The following RORA variants were observed in gnomAD, a reference collection of about 807,000 sequenced individuals.
The protein encoded by RORA is nuclear receptor ROR-alpha.
Under a neutral mutation model 69.5 loss-of-function variants are expected in RORA, and 7 were observed. That is an observed-to-expected ratio of 0.10 (90% CI 0.06 to 0.19). RORA has a LOEUF of 0.19. RORA is among the 10% of genes least tolerant of loss of function. RORA has a pLI of 1.00. For missense variants in RORA, 457 were observed against 663.0 expected (o/e 0.69, Z 3.41); for synonymous variants, 261 against 240.8 (o/e 1.08, Z -0.78).
intron 2 of RORA, among the ~76,000 whole-genome samples, chr15:60,642,256 G>A (rs1378995232): frequency 6.6e-6 from 1 of 152,096 alleles, no homozygotes; most frequent in African/African-American, 2.4e-5. Flanking sequence ...GAAGAAAATG[G>A]GAATGCCTAA....
At chr15:60,571,042 C>G (rs1348963057) in intron 2 of RORA, among the ~76,000 whole-genome samples, 1 of 151,746 alleles carries the variant, frequency 6.6e-6, no homozygotes, top group African/African-American at 2.4e-5. Flanking sequence ...TTTTTTTTCT[C>G]TCCTCATTTT....
intron 1 of RORA, among the ~76,000 whole-genome samples, chr15:60,737,468 C>T (rs568072037): frequency 6.6e-6 from 1 of 152,304 alleles, no homozygotes; most frequent in African/African-American, 2.4e-5. Flanking sequence ...TGGGCAGTAC[C>T]TGGGAACTAG....
chr15:60,758,040 C>A (rs1334755692), intron 1 of RORA, among the ~76,000 whole-genome samples: 1 of 152,188 alleles, frequency 6.6e-6, no homozygotes, highest in African/African-American at 2.4e-5. Flanking sequence ...ATCAATGGGA[C>A]CGGCACCTCT....
chr15:60,592,781 CCGCCTTCCCCT>C, intron 2 of RORA: 1 of 754,024 alleles, frequency 1.3e-6, no homozygotes, highest in Non-Finnish European at 1.9e-6. Context: ...GCCCGGGCGC[CCGCCTTCCCCT>C]CGCCTTCGGG....
At chr15:60,937,055 A>G (rs911907866) in intron 1 of RORA, among the ~76,000 whole-genome samples, 1 of 152,242 alleles carries the variant, frequency 6.6e-6, no homozygotes, top group Non-Finnish European at 1.5e-5. Flanking sequence ...GGAGTGCTCT[A>G]TGTTGGATTA....
chr15:60,842,988 C>A (rs756131328), intron 1 of RORA, among the ~76,000 whole-genome samples: 1 of 152,138 alleles, frequency 6.6e-6, no homozygotes, highest in Non-Finnish European at 1.5e-5. Flanking sequence ...CCTGCAGCAG[C>A]CTCTTTCTCT....
intron 1 of RORA, among the ~76,000 whole-genome samples, chr15:60,903,933 C>T (rs950285264): frequency 3.9e-5 from 6 of 152,090 alleles, no homozygotes; most frequent in African/African-American, 1.2e-4. Flanking sequence ...TCATATACGA[C>T]GTATAAAGTA....
At chr15:60,696,578 C>A (rs539278380) in intron 1 of RORA, among the ~76,000 whole-genome samples, 1 of 152,140 alleles carries the variant, frequency 6.6e-6, no homozygotes, top group African/African-American at 2.4e-5. Context: ...TCACCACATA[C>A]GCCTTTGACA....
chr15:60,718,381 A>G (rs2140819843), intron 1 of RORA, among the ~76,000 whole-genome samples: 1 of 152,328 alleles, frequency 6.6e-6, no homozygotes, highest in Admixed American at 6.5e-5. Context: ...AGGTGACAGC[A>G]GAGAGTTAAA....
intron 1 of RORA, among the ~76,000 whole-genome samples, chr15:60,808,808 C>G (rs1042325356): frequency 6.6e-6 from 1 of 151,498 alleles, no homozygotes; most frequent in Admixed American, 6.6e-5. Context: ...TGGAATACTA[C>G]TCAGCCACAA....
chr15:60,857,030 C>T (rs1438085887), intron 1 of RORA, among the ~76,000 whole-genome samples: 1 of 152,200 alleles, frequency 6.6e-6, no homozygotes, highest in African/African-American at 2.4e-5. Flanking sequence ...GCCATCGTTG[C>T]TTCATTCATT....
In RORA at chr15:60,824,907, T is replaced by A. The variant is rs141498397; in HGVS notation, c.167-146221A>T. The stretch of plus-strand genomic sequence containing the variant: ...GGCCAAGGACAAAATAACCTAATGG[T>A]TGTGGAAAAGGTCACAGCAGTGACT... On this transcript the variant is annotated intron_variant, in intron 1 of 10. Coordinates refer to ENST00000335670, the MANE Select transcript of RORA (RefSeq NM_134261.3). 9.2e-5 allele frequency among the ~76,000 whole-genome samples: 14 copies of A among 152,138 alleles called. No homozygotes were observed. The East Asian group carries it at 2.5e-3, about 27-fold the overall frequency.
intron 2 of RORA, among the ~76,000 whole-genome samples, chr15:60,631,034 C>T (rs2069725888): frequency 6.6e-6 from 1 of 151,888 alleles, no homozygotes; most frequent in Non-Finnish European, 1.5e-5. Flanking sequence ...GGATTACAGG[C>T]ACCCACCACC....
In RORA at chr15:60,577,501, G is replaced by A. The variant is rs538426072; in HGVS notation, c.197-45650C>T. 3.2e-3 allele frequency among the ~76,000 whole-genome samples: 494 copies of A among 152,114 alleles called. 2 individuals are homozygous for A. The highest frequency in any genetic ancestry group is 5.2e-3 in the Non-Finnish European group (352 of 67,984). ...TCTACTAAAAATACAAAAATTAGCC[G>A]GGTGTGGTGGTGCGTGTCTGTAATG... On this transcript the variant is annotated intron_variant, in intron 2 of 10. Transcript: ENST00000335670.
chr15:60,673,519 G>A (rs1402933856), intron 2 of RORA, among the ~76,000 whole-genome samples: 1 of 152,156 alleles, frequency 6.6e-6, no homozygotes, highest in Non-Finnish European at 1.5e-5. Flanking sequence ...TGAGCAGCGG[G>A]GATAGGTTTT....
intron 1 of RORA, among the ~76,000 whole-genome samples, chr15:60,693,671 C>A (rs1200586964): frequency 6.6e-6 from 1 of 152,116 alleles, no homozygotes; most frequent in Admixed American, 6.5e-5. Flanking sequence ...AGAGCCAAAT[C>A]ATGAATGAAC....
chr15:61,124,304 G>A (rs1295833168), intron 1 of RORA, among the ~76,000 whole-genome samples: 1 of 152,184 alleles, frequency 6.6e-6, no homozygotes, highest in African/African-American at 2.4e-5. Context: ...ATGCTGGTAG[G>A]TTTTGTTTCC....
chr15:60,670,319 C>T (rs527248894), intron 2 of RORA, among the ~76,000 whole-genome samples: 122 of 151,570 alleles, frequency 8.0e-4, no homozygotes, highest in African/African-American at 2.8e-3. Flanking sequence ...AAGCGATTAT[C>T]CTGCCTCAGC....
chr15:61,129,025 T>C (rs1415785706), intron 1 of RORA, among the ~76,000 whole-genome samples: 1 of 152,192 alleles, frequency 6.6e-6, no homozygotes, highest in East Asian at 1.9e-4. Context: ...TTTTTAAAAA[T>C]GAATAATTTA....
Sources: allele counts gnomAD v4.1 joint callset (sites outside exome capture counted in the v4.1 genomes callset), GRCh38; gene constraint gnomAD v4.1.1; transcripts MANE v1.5; gene names NCBI Gene and HGNC (gene_info 2026-07-23, HGNC 2026-07-21).